Variants in BICDL1 observed in about 807,000 individuals in gnomAD.
The protein encoded by BICDL1 is BICD family-like cargo adapter 1.
A neutral mutation model predicts 76.8 loss-of-function variants in BICDL1; 20 were observed. The ratio of observed to expected loss-of-function variants is 0.26; its 90% CI spans 0.18 to 0.38. The LOEUF is 0.38. Ranked by LOEUF, BICDL1 falls within the 10% of genes least tolerant of loss-of-function variation. The pLI, the probability that BICDL1 is intolerant of heterozygous loss-of-function variation, is 1.00. For synonymous variants in BICDL1, 383 were observed against 337.1 expected (o/e 1.14, Z -1.49); for missense variants, 700 against 798.6 (o/e 0.88, Z 1.49).
chr12:120,086,504 G>A (rs1175431173), intron 8 of BICDL1, among the ~76,000 whole-genome samples: 2 of 152,058 alleles, frequency 1.3e-5, no homozygotes, highest in Non-Finnish European at 2.9e-5. Flanking sequence ...CAGTTGGGTG[G>A]GGCCCACTTC....
chr12:120,021,586 C>CAA (rs145151630), intron 2 of BICDL1, among the ~76,000 whole-genome samples: 772 of 44,764 alleles, frequency 0.017, 21 homozygotes, highest in African/African-American at 0.023. Context: ...GACTCCATCT[C>CAA]AAAAAAAAAA....
At chr12:120,067,946 C>T (rs1872775920) in intron 4 of BICDL1, among the ~76,000 whole-genome samples, 1 of 152,226 alleles carries the variant, frequency 6.6e-6, no homozygotes, top group African/African-American at 2.4e-5. Flanking sequence ...ACCAGAACTA[C>T]GCAGAGCAGG....
chr12:120,000,047 G>A (rs980211185), intron 2 of BICDL1: 1 of 166,814 alleles, frequency 6.0e-6, no homozygotes, highest in African/African-American at 2.4e-5. Flanking sequence ...GTTGCTTCCT[G>A]TGGTTATTCT....
In BICDL1 at chr12:119,989,251, G is replaced by C. The variant is rs1382376962; in HGVS notation, c.-618G>C. Among the ~76,000 whole-genome samples the C allele has an allele frequency of 2.0e-5, 3 of 150,076 alleles. No individual in the cohort carries two copies. Among genetic ancestry groups the C allele is most frequent in the Admixed American group, 2.0e-4 (3 of 15,122 alleles). On this transcript the variant is annotated 5_prime_UTR_variant, in exon 1 of 10. Transcript: ENST00000548673. ...CGGGGAAGGCAGGAAGGAGCTCGCC[G>C]GGTTGCGCGGCGCGCGATGTGGAGC...
chr12:120,090,281 C>A, intron 9 of BICDL1: 1 of 557,110 alleles, frequency 1.8e-6, no homozygotes, highest in Non-Finnish European at 3.1e-6. Flanking sequence ...AGTGCCCAGG[C>A]TGCTGCTGTC....
intron 2 of BICDL1, chr12:119,999,879 G>A: frequency 2.5e-6 from 1 of 394,580 alleles, no homozygotes; most frequent in Non-Finnish European, 4.9e-6. Flanking sequence ...CCTCAGCACT[G>A]ATGTTCTCAT....
intron 2 of BICDL1, among the ~76,000 whole-genome samples, chr12:120,046,340 A>G (rs1270039355): frequency 1.3e-5 from 2 of 152,208 alleles, no homozygotes; most frequent in African/African-American, 2.4e-5. Context: ...TGACTTAAAC[A>G]TCAGCTCTAA....
intron 7 of BICDL1, among the ~76,000 whole-genome samples, chr12:120,080,216 T>C (rs753574286): frequency 1.1e-4 from 16 of 152,052 alleles, no homozygotes; most frequent in Non-Finnish European, 2.4e-4. Flanking sequence ...ACTGGAGGGG[T>C]GCCTCACTGC....
chr12:119,992,272 T>G (rs1951539907), intron 1 of BICDL1: 1 of 152,252 alleles, frequency 6.6e-6, no homozygotes, highest in Admixed American at 6.5e-5. Flanking sequence ...CAAACCTGGT[T>G]TACAGAGTAC....
intron 8 of BICDL1, among the ~76,000 whole-genome samples, chr12:120,086,235 G>C (rs1206049403): frequency 2.0e-5 from 3 of 152,142 alleles, no homozygotes; most frequent in Admixed American, 1.3e-4. Flanking sequence ...GGGCAGTTAG[G>C]TTACTCTGGG....
intron 8 of BICDL1, among the ~76,000 whole-genome samples, chr12:120,084,636 C>G (rs554306720): frequency 6.6e-6 from 1 of 152,150 alleles, no homozygotes; most frequent in African/African-American, 2.4e-5. Context: ...CACCTGTAAT[C>G]CCAGCACTAT....
In BICDL1 at chr12:119,989,474, A is replaced by AGCAGAAGCAGCAGCG. The variant is rs1555277955; in HGVS notation, c.-391_-390insAAGCAGCAGCGGCAG. On this transcript the variant is annotated 5_prime_UTR_variant, in exon 1 of 10. Coordinates refer to ENST00000548673, the MANE Select transcript of BICDL1 (RefSeq NM_001367886.1). Reference sequence around the variant, plus strand: ...CCCGGCCGGCGGCGGCAGCAGCAGCAGCAGCGGCAGCGGCAACAGGGCGGC... The same window carrying AGCAGAAGCAGCAGCG: ...CCCGGCCGGCGGCGGCAGCAGCAGCAGCAGAAGCAGCAGCGGCAGCGGCAGCGGCAACAGGGCGGC... Among the ~76,000 whole-genome samples the AGCAGAAGCAGCAGCG allele has an allele frequency of 2.0e-5, 3 of 149,500 alleles. No homozygotes were observed. Among genetic ancestry groups the AGCAGAAGCAGCAGCG allele is most frequent in the Non-Finnish European group, 3.0e-5 (2 of 67,080 alleles).
At chr12:120,067,373 C>A (rs1594192298) in intron 4 of BICDL1, among the ~76,000 whole-genome samples, 1 of 152,226 alleles carries the variant, frequency 6.6e-6, no homozygotes, top group Non-Finnish European at 1.5e-5. Flanking sequence ...AGGCAAATCA[C>A]GTAACATCAC....
At chr12:120,009,378 T>TC (rs1555281875) in intron 2 of BICDL1, among the ~76,000 whole-genome samples, 1 of 152,216 alleles carries the variant, frequency 6.6e-6, no homozygotes, top group Non-Finnish European at 1.5e-5. Flanking sequence ...GTTCTGGTTT[T>TC]CTTTTTCCAA....
rs138182174 is a variant in BICDL1, at chr12:120,090,097, C to T, written c.1704+26C>T. 533 of 1,611,418 alleles carry T rather than the reference C, an allele frequency of 3.3e-4. 2 individuals are homozygous for T. The African/African-American group carries it at 5.4e-3, about 16-fold the overall frequency. The stretch of plus-strand genomic sequence containing the variant: ...GTAAACTGGAGCCTGAGATCCAGGG[C>T]GAGAGGAGACTCCAGGAGGAATCTC... On this transcript the variant is annotated intron_variant, in intron 9 of 9. Coordinates refer to ENST00000548673, the MANE Select transcript of BICDL1 (RefSeq NM_001367886.1).
At chr12:120,027,258 A>G (rs1354212554) in intron 2 of BICDL1, among the ~76,000 whole-genome samples, 1 of 151,478 alleles carries the variant, frequency 6.6e-6, no homozygotes, top group Non-Finnish European at 1.5e-5. Context: ...TCTCGAACTC[A>G]TGATCCGCCT....
intron 2 of BICDL1, among the ~76,000 whole-genome samples, chr12:120,034,896 A>G (rs1594145400): frequency 6.6e-6 from 1 of 152,180 alleles, no homozygotes; most frequent in East Asian, 1.9e-4. Flanking sequence ...TGTTTTATGT[A>G]ACCTTTACAT....
intron 2 of BICDL1, among the ~76,000 whole-genome samples, chr12:120,005,209 A>G (rs1246526236): frequency 6.6e-6 from 1 of 152,236 alleles, no homozygotes; most frequent in Non-Finnish European, 1.5e-5. Flanking sequence ...TATTGAGACA[A>G]TAGAGAAATG....
At chr12:120,054,731 T>C (rs1952939323) in intron 2 of BICDL1, among the ~76,000 whole-genome samples, 1 of 151,820 alleles carries the variant, frequency 6.6e-6, no homozygotes, top group South Asian at 2.1e-4. Context: ...GCAAAAAAAA[T>C]TAGCCGGGCA....
Sources: gnomAD v4.1 joint callset for allele counts (sites outside exome capture counted in the v4.1 genomes callset) on GRCh38, gnomAD v4.1.1 for gene constraint, MANE v1.5 for transcripts, NCBI Gene and HGNC (gene_info 2026-07-23, HGNC 2026-07-21) for gene names.